BCAR3: variants seen among roughly 807,000 people sequenced by gnomAD.
BCAR3 encodes the protein breast cancer anti-estrogen resistance protein 3.
Under a neutral mutation model 80.1 loss-of-function variants are expected in BCAR3, and 37 were observed. The observed-to-expected ratio is 0.46, with a 90% CI of 0.36 to 0.61. BCAR3 has a LOEUF of 0.61. BCAR3 is among the 20% of genes least tolerant of loss of function. The probability of loss-of-function intolerance (pLI) is 0.00; values close to 1 mark genes in which losing one functional copy is unlikely to be tolerated. For synonymous variants in BCAR3, 389 were observed against 418.9 expected, an observed-to-expected ratio of 0.93 and a Z score of 0.87; for missense variants, 978 against 1,068.2, an observed-to-expected ratio of 0.92 and a Z score of 1.18.
intron 2 of BCAR3, among the ~76,000 whole-genome samples, chr1:93,710,467 C>T (rs1649981078): frequency 6.6e-6 from 1 of 152,184 alleles, no homozygotes; most frequent in Non-Finnish European, 1.5e-5. Flanking sequence ...TTTATCCTAG[C>T]CAGGATATCT....
chr1:93,578,401 C>T (rs991857532), intron 7 of BCAR3, among the ~76,000 whole-genome samples: 5 of 152,194 alleles, frequency 3.3e-5, no homozygotes, highest in Admixed American at 3.3e-4. Context: ...TTAGAAAAGA[C>T]GTATGAAGCC....
chr1:93,820,636 CATGTGG>C (rs1654179485), intron 2 of BCAR3, among the ~76,000 whole-genome samples: 1 of 152,218 alleles, frequency 6.6e-6, no homozygotes. Flanking sequence ...GCCTTCCTGA[CATGTGG>C]ATGTGTTCAC....
chr1:93,565,439 C>G (rs989306135), intron 11 of BCAR3, among the ~76,000 whole-genome samples: 1 of 152,190 alleles, frequency 6.6e-6, no homozygotes, highest in African/African-American at 2.4e-5. Flanking sequence ...TGCTGGTGAG[C>G]AGATCTCTGC....
chr1:93,821,690 T>C (rs1444731640), intron 2 of BCAR3, among the ~76,000 whole-genome samples: 1 of 152,178 alleles, frequency 6.6e-6, no homozygotes, highest in African/African-American at 2.4e-5. Context: ...AGAATTAGCA[T>C]TTACTGAGCA....
intron 3 of BCAR3, among the ~76,000 whole-genome samples, chr1:93,639,808 G>C (rs1675923122): frequency 6.6e-6 from 1 of 152,054 alleles, no homozygotes; most frequent in Non-Finnish European, 1.5e-5. Flanking sequence ...CAGGGAGGGA[G>C]GGAGACCTGG....
chr1:93,707,767 G>T (rs1205904357), intron 2 of BCAR3, among the ~76,000 whole-genome samples: 2 of 152,144 alleles, frequency 1.3e-5, no homozygotes, highest in Non-Finnish European at 2.9e-5. Context: ...CATTCAGGAT[G>T]TTTTCTAGGC....
intron 2 of BCAR3, among the ~76,000 whole-genome samples, chr1:93,762,206 C>A (rs573272004): frequency 6.6e-6 from 1 of 152,358 alleles, no homozygotes; most frequent in Non-Finnish European, 1.5e-5. Context: ...TCTCACTCCT[C>A]CATTGTCCTT....
chr1:93,722,856 C>G (rs1183763162), intron 2 of BCAR3, among the ~76,000 whole-genome samples: 1 of 152,108 alleles, frequency 6.6e-6, no homozygotes, highest in East Asian at 1.9e-4. Context: ...ATTAGTCACA[C>G]ACAAGAGCGA....
intron 3 of BCAR3, among the ~76,000 whole-genome samples, chr1:93,637,557 G>A (rs758472627): frequency 1.3e-5 from 2 of 152,108 alleles, no homozygotes; most frequent in African/African-American, 2.4e-5. Context: ...GATAAAGAGT[G>A]GAAGTGAGCC....
chr1:93,638,766 T>C (rs1675883952), intron 3 of BCAR3, among the ~76,000 whole-genome samples: 1 of 152,076 alleles, frequency 6.6e-6, no homozygotes, highest in Non-Finnish European at 1.5e-5. Flanking sequence ...GGAAACAGAA[T>C]CAATTACGTT....
intron 3 of BCAR3, among the ~76,000 whole-genome samples, chr1:93,626,638 G>A (rs964170688): frequency 6.6e-6 from 1 of 152,184 alleles, no homozygotes. Context: ...TCTACCAGGG[G>A]CCATTGCACT....
intron 2 of BCAR3, chr1:93,845,502 A>ATATATATATATAATTTTGTCAAG: frequency 8.8e-6 from 1 of 113,826 alleles, no homozygotes. Context: ...ATATATATAT[A>ATATATATATATAATTTTGTCAAG]AAACTTTGTT....
In BCAR3 at chr1:93,576,089, T is replaced by TTCC; in HGVS notation, c.1724_1726dup (p.Arg575dup). On this transcript the variant is annotated inframe_insertion, in exon 8 of 12. Coordinates refer to ENST00000260502, the MANE Select transcript of BCAR3 (RefSeq NM_003567.4). ...TTCCAGGCCTGAGCTCACCCCCATG[T>TTCC]TCCTCCTCATCTCTTCAGAGACTCC... The TTCC allele has an allele frequency of 6.2e-7, 1 of 1,614,120 alleles. No homozygotes were observed. The highest frequency in any genetic ancestry group is 8.5e-7 in the Non-Finnish European group (1 of 1,179,998).
intron 2 of BCAR3, chr1:93,775,298 C>T (rs1652505996): frequency 6.6e-6 from 1 of 152,266 alleles, no homozygotes; most frequent in Non-Finnish European, 1.5e-5. Context: ...CAAGCACTCT[C>T]AGCCTGGGGG....
chr1:93,797,959 G>A (rs1653340294), intron 2 of BCAR3, among the ~76,000 whole-genome samples: 1 of 152,162 alleles, frequency 6.6e-6, no homozygotes, highest in African/African-American at 2.4e-5. Context: ...GTCAAATATT[G>A]AAAGGGCCGG....
intron 3 of BCAR3, chr1:93,594,376 G>C (rs1269445351): frequency 6.6e-6 from 1 of 152,252 alleles, no homozygotes; most frequent in African/African-American, 2.4e-5. Flanking sequence ...CTTCCAGGGA[G>C]ATGTGGCCAC....
intron 2 of BCAR3, among the ~76,000 whole-genome samples, chr1:93,806,724 A>G (rs376401673): frequency 2.0e-5 from 3 of 152,184 alleles, no homozygotes; most frequent in Admixed American, 6.5e-5. Flanking sequence ...TCTGTGGCTA[A>G]TTTCTTAGGT....
intron 3 of BCAR3, among the ~76,000 whole-genome samples, chr1:93,694,329 A>G (rs1011404861): frequency 6.6e-6 from 1 of 152,170 alleles, no homozygotes; most frequent in Admixed American, 6.5e-5. Context: ...CAAAAAGAGG[A>G]GACTTTCCAG....
intron 2 of BCAR3, among the ~76,000 whole-genome samples, chr1:93,840,775 G>A (rs1023870505): frequency 6.6e-6 from 1 of 152,202 alleles, no homozygotes; most frequent in Non-Finnish European, 1.5e-5. Flanking sequence ...CAGTTAGAAA[G>A]CACGGATGTT....
Sources: allele counts gnomAD v4.1 joint callset (sites outside exome capture counted in the v4.1 genomes callset), GRCh38; gene constraint gnomAD v4.1.1; transcripts MANE v1.5; gene names NCBI Gene and HGNC (gene_info 2026-07-23, HGNC 2026-07-21).